The following MEP1A variants were observed in gnomAD, a reference collection of about 807,000 sequenced individuals.
MEP1A encodes meprin A subunit alpha, also known as N-benzoyl-L-tyrosyl-P-amino-benzoic acid hydrolase subunit alpha.
Under a neutral mutation model 84.5 loss-of-function variants are expected in MEP1A, and 68 were observed. The ratio of observed to expected loss-of-function variants is 0.80; its 90% CI spans 0.66 to 0.98. MEP1A has a LOEUF of 0.98. Among genes scored for constraint, MEP1A ranks in the 50% least tolerant of loss-of-function variants. The probability of loss-of-function intolerance (pLI) is 0.00; values close to 1 mark genes in which losing one functional copy is unlikely to be tolerated. For missense variants in MEP1A, 887 were observed against 919.9 expected, an observed-to-expected ratio of 0.96 and a Z score of 0.46; for synonymous variants, 337 against 336.8, an observed-to-expected ratio of 1.00 and a Z score of -0.01.
chr6:46,832,472 C>G (rs375425835), intron 10 of MEP1A, among the ~76,000 whole-genome samples: 10 of 152,150 alleles, frequency 6.6e-5, no homozygotes, highest in African/African-American at 2.4e-4. Context: ...ACGTGCATTT[C>G]CAGACAATAG....
chr6:46,793,617 T>C (rs1169333878), intron 2 of MEP1A, 41 bp downstream of exon 2: 5 of 1,579,640 alleles, frequency 3.2e-6, no homozygotes, highest in Non-Finnish European at 4.3e-6. Flanking sequence ...TTTTTGAACT[T>C]TTTTCCTTCG....
intron 4 of MEP1A, 65 bp downstream of exon 4, chr6:46,798,711 T>G: frequency 2.8e-6 from 4 of 1,414,640 alleles, no homozygotes; most frequent in Non-Finnish European, 4.0e-6. Context: ...TGTGAGTCTC[T>G]GCTCTGCGGC....
Position 46,839,375 on chromosome 6 carries a change from T to C in MEP1A, c.*239T>C, listed in dbSNP as rs2150760104. 5.8e-6 allele frequency: 2 copies of C among 347,482 alleles called. No individual in the cohort carries two copies. The highest frequency in any genetic ancestry group is 1.5e-4 in the South Asian group (2 of 13,062). The allele number at this position is 347,482 out of a possible 1,614,324, so 21.5% of individuals were successfully genotyped here. On this transcript the variant is annotated 3_prime_UTR_variant, in exon 14 of 14. Transcript: ENST00000230588. ...AACACTCATCACACTTCATTGTAAA[T>C]CACTTGTTTTATTGACTGTCTTTCC...
chr6:46,832,315 A>C (rs570705213), intron 10 of MEP1A, among the ~76,000 whole-genome samples: 5 of 152,272 alleles, frequency 3.3e-5, no homozygotes, highest in African/African-American at 1.2e-4. Context: ...AGTACCCCCA[A>C]GCTCCTGTCT....
At chr6:46,826,986 A>G (rs1340964072) in intron 9 of MEP1A, among the ~76,000 whole-genome samples, 1 of 152,224 alleles carries the variant, frequency 6.6e-6, no homozygotes, top group Non-Finnish European at 1.5e-5. Flanking sequence ...AATCAAAATA[A>G]AAGTTATTAT....
chr6:46,838,941 G>C (rs1768275531), intron 13 of MEP1A, 39 bp from the exon 14 acceptor site: 1 of 1,580,232 alleles, frequency 6.3e-7, no homozygotes, highest in Non-Finnish European at 8.6e-7. Context: ...CCTGAGGCCT[G>C]GGTAGTTCCC....
intron 3 of MEP1A, 43 bp downstream of exon 3, chr6:46,793,759 A>C: frequency 1.5e-6 from 2 of 1,378,996 alleles, no homozygotes; most frequent in East Asian, 2.3e-5. Context: ...AAATTACTTG[A>C]AACCCAGTGG....
chr6:46,804,400 T>C (rs1581666163), intron 5 of MEP1A, among the ~76,000 whole-genome samples: 2 of 151,888 alleles, frequency 1.3e-5, no homozygotes, highest in Admixed American at 1.3e-4. Flanking sequence ...AATCAAAAAG[T>C]TAAAAGCATT....
chr6:46,828,646 C>T (rs1017397028), intron 9 of MEP1A, among the ~76,000 whole-genome samples: 1 of 152,152 alleles, frequency 6.6e-6, no homozygotes, highest in South Asian at 2.1e-4. Context: ...GTTTACCAAA[C>T]GGTACATTTG....
chr6:46,825,397 A>G lies in MEP1A; in HGVS notation c.682A>G (p.Ile228Val). 6.2e-7 allele frequency: 1 copy of G among 1,613,794 alleles called. No homozygotes were observed. The highest frequency in any genetic ancestry group is 8.5e-7 in the Non-Finnish European group (1 of 1,179,798). Residue 228 changes from isoleucine to valine, a missense_variant, in exon 8 of 14, where the codon ATC becomes GTC. By Grantham distance (29) the Ile-to-Val change is conservative. Coordinates refer to ENST00000230588, the MANE Select transcript of MEP1A (RefSeq NM_005588.3). ...TAACAAGAATGCAAGTGTTCCCACC[A>G]TCACAGCCAAGATCCCTGAGTTTAA... The part of the protein sequence containing the change: ...SFNKNASVPT[I>V]TAKIPEFNSI...
At chr6:46,843,058 C>A (rs114553554), downstream of MEP1A, among the ~76,000 whole-genome samples, 3,155 of 152,320 alleles carry the variant, frequency 0.021, 121 homozygotes, top group African/African-American at 0.072. Context: ...CACATACAGT[C>A]AAATAATCTG....
At chr6:46,797,928 TTCTTTCC>T (rs1562102810) in intron 3 of MEP1A, among the ~76,000 whole-genome samples, 3,347 of 35,804 alleles carry the variant, frequency 0.093, 74 homozygotes, top group East Asian at 0.19. Context: ...CCTTCCTTCC[TTCTTTCC>T]TTCCTTCCTT....
chr6:46,814,251 T>C (rs956284425), intron 6 of MEP1A, among the ~76,000 whole-genome samples: 2 of 152,084 alleles, frequency 1.3e-5, no homozygotes, highest in African/African-American at 4.8e-5. Flanking sequence ...TTAAAAAATT[T>C]TTTTGTTTGT....
chr6:46,831,440 C>G (rs1180581947), intron 10 of MEP1A, among the ~76,000 whole-genome samples: 1 of 152,130 alleles, frequency 6.6e-6, no homozygotes, highest in Non-Finnish European at 1.5e-5. Context: ...GCCAGGACTT[C>G]CTTATAGAAG....
rs372979307 is a variant in MEP1A, at chr6:46,834,566, A to T, written c.1610-12A>T. The T allele has an allele frequency of 3.2e-6, 5 of 1,580,820 alleles. No homozygotes were observed. In the African/African-American group the frequency reaches 5.4e-5, roughly 17 times the overall value. ...GAGGTAATGTGATTTTATGTTACCT[A>T]CAACTTTGCAGCGATAAATGACACT... On this transcript the variant is annotated splice_polypyrimidine_tract_variant and intron_variant, in intron 11 of 13. Coordinates refer to ENST00000230588, the MANE Select transcript of MEP1A (RefSeq NM_005588.3).
At chr6:46,804,409 T>TC (rs1767264262) in intron 5 of MEP1A, among the ~76,000 whole-genome samples, 2 of 151,762 alleles carry the variant, frequency 1.3e-5, no homozygotes. Context: ...GTTAAAAGCA[T>TC]TATGCAGCGA....
chr6:46,834,754 AC>A lies in MEP1A; in HGVS notation c.1783+4del. 1 of 1,608,420 alleles carries A rather than the reference AC, an allele frequency of 6.2e-7. No individual in the cohort carries two copies. The highest frequency in any genetic ancestry group is 8.5e-7 in the Non-Finnish European group (1 of 1,177,120). On this transcript the variant is annotated splice_donor_region_variant and intron_variant, in intron 12 of 13. Transcript: ENST00000230588. Reference sequence around the variant, plus strand: ...CATCATATTTGTGGACTTTGAAGGTACTTTTGTTGGTCTTCCTGAGTAAATA... The same window carrying A: ...CATCATATTTGTGGACTTTGAAGGTATTTTGTTGGTCTTCCTGAGTAAATA...
the MEP1A span, among the ~76,000 whole-genome samples, chr6:46,845,537 C>A: frequency 2.0e-5 from 3 of 152,338 alleles, no homozygotes; most frequent in African/African-American, 7.2e-5. Flanking sequence ...ATTATTTCTA[C>A]AGGGCCAGCA....
intron 8 of MEP1A, among the ~76,000 whole-genome samples, chr6:46,825,879 T>C (rs781378220): frequency 7.2e-5 from 11 of 152,210 alleles, no homozygotes; most frequent in Admixed American, 4.6e-4. Flanking sequence ...AAGGTCAAAA[T>C]AGGTGATGGA....
Sources: allele counts gnomAD v4.1 joint callset (sites outside exome capture counted in the v4.1 genomes callset), GRCh38; gene constraint gnomAD v4.1.1; transcripts MANE v1.5; gene names NCBI Gene and HGNC (gene_info 2026-07-23, HGNC 2026-07-21).